The following NEK10 variants were observed in gnomAD, a reference collection of about 807,000 sequenced individuals.
NEK10 encodes NIMA related kinase 10.
In NEK10, 122 loss-of-function variants were observed where a neutral mutation model predicts 159.8. The observed-to-expected ratio is 0.76, with a 90% CI of 0.66 to 0.89. NEK10 has a LOEUF of 0.89. Among genes scored for constraint, NEK10 ranks in the 40% least tolerant of loss-of-function variants. The pLI is 0.00. For synonymous variants in NEK10, 466 were observed against 457.1 expected (o/e 1.02, Z -0.25); for missense variants, 1,342 against 1,323.1 (o/e 1.01, Z -0.22).
chr3:27,120,332 T>C (rs779749209), intron 32 of NEK10, among the ~76,000 whole-genome samples: 1 of 151,760 alleles, frequency 6.6e-6, no homozygotes, highest in East Asian at 1.9e-4. Context: ...TTTTTCTTTT[T>C]TTTTTTTCTG....
At chr3:27,304,105 C>A (rs2044046845) in intron 12 of NEK10, among the ~76,000 whole-genome samples, 2 of 152,194 alleles carry the variant, frequency 1.3e-5, no homozygotes, top group South Asian at 2.1e-4. Flanking sequence ...ACTATCCATT[C>A]TCCGTGCTCC....
chr3:27,173,082 G>T (rs1011199975), intron 28 of NEK10, among the ~76,000 whole-genome samples: 1 of 152,124 alleles, frequency 6.6e-6, no homozygotes, highest in Non-Finnish European at 1.5e-5. Flanking sequence ...TGTAAAAATT[G>T]TCTTTGATTA....
intron 32 of NEK10, among the ~76,000 whole-genome samples, chr3:27,120,504 T>C (rs1164737904): frequency 2.0e-5 from 3 of 150,904 alleles, no homozygotes; most frequent in Admixed American, 2.0e-4. Flanking sequence ...TGTATTTTTT[T>C]TTTTTAGTAG....
chr3:27,250,547 G>A (rs1458169509), intron 23 of NEK10, among the ~76,000 whole-genome samples: 1 of 152,046 alleles, frequency 6.6e-6, no homozygotes, highest in Admixed American at 6.6e-5. Flanking sequence ...CCTCATTAAT[G>A]CCCTTTCATT....
intron 33 of NEK10, among the ~76,000 whole-genome samples, chr3:27,116,518 G>T (rs370700283): frequency 6.6e-6 from 1 of 152,038 alleles, no homozygotes; most frequent in Non-Finnish European, 1.5e-5. Context: ...ATAAATATAC[G>T]TTAGAAAGAA....
intron 23 of NEK10, among the ~76,000 whole-genome samples, chr3:27,221,858 T>G (rs996253472): frequency 1.3e-5 from 2 of 152,092 alleles, no homozygotes; most frequent in South Asian, 4.1e-4. Flanking sequence ...TTTTCAGGAG[T>G]CCCAGTTGAG....
chr3:27,156,296 T>G lies in NEK10; in HGVS notation c.2869+6405A>C, dbSNP rs142101028. 4.3e-3 allele frequency among the ~76,000 whole-genome samples: 646 copies of G among 151,888 alleles called. 6 individuals are homozygous for G. The highest frequency in any genetic ancestry group is 0.014 in the African/African-American group (575 of 41,456). ...CAAATGCAATAAAAACAAAGATAAA[T>G]AGCAGGGACCTAATTAAACTATAGA... On this transcript the variant is annotated intron_variant, in intron 30 of 35. Coordinates refer to ENST00000691995, the MANE Select transcript of NEK10 (RefSeq NM_001394966.1).
intron 33 of NEK10, among the ~76,000 whole-genome samples, chr3:27,117,884 TC>T (rs572553599): frequency 1.3e-4 from 20 of 152,182 alleles, no homozygotes; most frequent in Non-Finnish European, 2.8e-4. Context: ...CGTCATGAAA[TC>T]TTTGCCCAGG....
chr3:27,213,593 C>A (rs1410498065), intron 23 of NEK10, among the ~76,000 whole-genome samples: 1 of 152,138 alleles, frequency 6.6e-6, no homozygotes, highest in South Asian at 2.1e-4. Context: ...TCCAAAGAAA[C>A]CTGAAAAACT....
At chr3:27,230,856 T>C (rs1235146339) in intron 23 of NEK10, among the ~76,000 whole-genome samples, 3 of 151,912 alleles carry the variant, frequency 2.0e-5, no homozygotes, top group African/African-American at 7.2e-5. Context: ...ACACTGGAGC[T>C]CCCAGATTTA....
chr3:27,272,259 G>T (rs2041423748), intron 22 of NEK10, among the ~76,000 whole-genome samples: 1 of 152,100 alleles, frequency 6.6e-6, no homozygotes, highest in South Asian at 2.1e-4. Flanking sequence ...TAAAGCACCT[G>T]CCACTTCCCA....
intron 1 of NEK10, among the ~76,000 whole-genome samples, chr3:27,364,160 G>C (rs1662241821): frequency 6.6e-6 from 1 of 151,652 alleles, no homozygotes; most frequent in Non-Finnish European, 1.5e-5. Flanking sequence ...CATTTGAAGA[G>C]TTTGTGTATT....
chr3:27,280,330 G>T (rs2042068623), intron 22 of NEK10, among the ~76,000 whole-genome samples: 2 of 152,156 alleles, frequency 1.3e-5, no homozygotes, highest in South Asian at 2.1e-4. Flanking sequence ...AGAGCCCAGG[G>T]TGCCATCCAA....
intron 22 of NEK10, among the ~76,000 whole-genome samples, chr3:27,256,724 TGAAAAC>T (rs1247450293): frequency 2.6e-5 from 4 of 152,132 alleles, no homozygotes; most frequent in African/African-American, 4.8e-5. Context: ...CATGAAGGCC[TGAAAAC>T]CTAAAATTAA....
intron 1 of NEK10, among the ~76,000 whole-genome samples, chr3:27,365,838 C>G (rs1326070808): frequency 6.6e-6 from 1 of 152,000 alleles, no homozygotes; most frequent in East Asian, 1.9e-4. Context: ...GTCTCAAACT[C>G]CTGACCTCAA....
intron 5 of NEK10, among the ~76,000 whole-genome samples, chr3:27,336,784 A>T (rs2046833517): frequency 6.6e-6 from 1 of 152,220 alleles, no homozygotes; most frequent in African/African-American, 2.4e-5. Context: ...AAAGCATTTG[A>T]TAAAATCCAA....
At chr3:27,288,339 T>C (rs1020288611) in intron 19 of NEK10, among the ~76,000 whole-genome samples, 38 of 152,342 alleles carry the variant, frequency 2.5e-4, no homozygotes, top group African/African-American at 8.9e-4. Context: ...GTCCTCTTCG[T>C]GACTAGGCCT....
chr3:27,301,750 A>T lies in NEK10; in HGVS notation c.1114T>A (p.Ser372Thr). Residue 372 changes from serine to threonine, a missense_variant, in exon 13 of 36, where the codon TCA becomes ACA. Coordinates refer to ENST00000691995, the MANE Select transcript of NEK10 (RefSeq NM_001394966.1). Reference sequence around the variant, plus strand: ...ATTTCCCTAGGGCTCAAGTCTTCTGATAAATGAAGCTGCTGGATTCGGCCT... The same window carrying T: ...ATTTCCCTAGGGCTCAAGTCTTCTGTTAAATGAAGCTGCTGGATTCGGCCT... ...AAGRIQQLHL[S>T]EDLSPREIQE... 6.3e-7 allele frequency: 1 copy of T among 1,576,572 alleles called. No homozygotes were observed. Among genetic ancestry groups the T allele is most frequent in the Non-Finnish European group, 8.6e-7 (1 of 1,159,048 alleles).
In NEK10 at chr3:27,355,509, G is replaced by A. The variant is rs1043358409; in HGVS notation, c.-37-2590C>T. Among the ~76,000 whole-genome samples, 19 of 151,930 alleles carry A rather than the reference G, an allele frequency of 1.3e-4. 1 individual carries two copies. The highest frequency in any genetic ancestry group is 1.2e-3 in the Admixed American group (18 of 15,240). The stretch of plus-strand genomic sequence containing the variant: ...CAATGGCTCTCTAGACAAAAGTTCA[G>A]GGGACATTCTTGGCTCCTCTCTTTC... On this transcript the variant is annotated intron_variant, in intron 1 of 35. Transcript: ENST00000691995.
Sources: gnomAD v4.1 joint callset for allele counts (sites outside exome capture counted in the v4.1 genomes callset) on GRCh38, gnomAD v4.1.1 for gene constraint, MANE v1.5 for transcripts, NCBI Gene and HGNC (gene_info 2026-07-23, HGNC 2026-07-21) for gene names.